The following ROBO2 variants were observed in gnomAD, a reference collection of about 807,000 sequenced individuals.
ROBO2 encodes the protein roundabout homolog 2.
A neutral mutation model predicts 160.8 loss-of-function variants in ROBO2; 53 were observed. That is an observed-to-expected ratio of 0.33 (90% CI 0.26 to 0.41). The LOEUF (loss-of-function observed/expected upper bound fraction) is 0.41. Ranked by LOEUF, ROBO2 falls within the 10% of genes least tolerant of loss-of-function variation. The probability of loss-of-function intolerance (pLI) is 1.00; values close to 1 mark genes in which losing one functional copy is unlikely to be tolerated. For synonymous variants in ROBO2, 664 were observed against 611.7 expected, an observed-to-expected ratio of 1.09 and a Z score of -1.26; for missense variants, 1,577 against 1,722.4, an observed-to-expected ratio of 0.92 and a Z score of 1.49.
intron 2 of ROBO2, among the ~76,000 whole-genome samples, chr3:76,282,739 G>C (rs1361649289): frequency 2.0e-5 from 3 of 151,840 alleles, no homozygotes; most frequent in African/African-American, 7.2e-5. Context: ...CAAATCCCAT[G>C]TTTAGTTTCC....
At chr3:76,307,956 G>A (rs1160129820) in intron 2 of ROBO2, among the ~76,000 whole-genome samples, 2 of 152,146 alleles carry the variant, frequency 1.3e-5, no homozygotes, top group Non-Finnish European at 2.9e-5. Flanking sequence ...GTTTCATGGA[G>A]GGCCTAGCAC....
At chr3:77,164,986 G>A (rs2078924672) in intron 2 of ROBO2, among the ~76,000 whole-genome samples, 1 of 148,736 alleles carries the variant, frequency 6.7e-6, no homozygotes, top group African/African-American at 2.5e-5. Flanking sequence ...GGGAGGTGAG[G>A]GGCGCCTCTG....
intron 2 of ROBO2, among the ~76,000 whole-genome samples, chr3:76,112,075 C>T (rs923540604): frequency 6.6e-6 from 1 of 152,166 alleles, no homozygotes; most frequent in Non-Finnish European, 1.5e-5. Context: ...GTGGCCTCCC[C>T]TTCTATCCAA....
chr3:76,938,971 C>CAAAAAAAAAAAAA lies in ROBO2; in HGVS notation c.110-159030_110-159018dup, dbSNP rs71629626. Among the ~76,000 whole-genome samples the CAAAAAAAAAAAAA allele has an allele frequency of 4.5e-4, 51 of 114,574 alleles. 2 individuals carry two copies. The highest frequency in any genetic ancestry group is 1.6e-3 in the African/African-American group (50 of 31,826). The allele number at this position is 114,574 out of a possible 152,430, so 75.2% of individuals were successfully genotyped here. ...GGGCGACAAGAGCAAAACTCAGTCT[C>CAAAAAAAAAAAAA]AAAAAAAAAAAAAAAAAAAAAAAAA... On this transcript the variant is annotated intron_variant, in intron 2 of 26. Transcript: ENST00000487694.
At chr3:76,930,682 G>T (rs1435848132) in intron 2 of ROBO2, among the ~76,000 whole-genome samples, 1 of 152,180 alleles carries the variant, frequency 6.6e-6, no homozygotes, top group Non-Finnish European at 1.5e-5. Context: ...TGGTAATACA[G>T]TTCTGGTCAA....
At chr3:76,364,963 C>A (rs1174586587) in intron 2 of ROBO2, among the ~76,000 whole-genome samples, 1 of 152,036 alleles carries the variant, frequency 6.6e-6, no homozygotes, top group Non-Finnish European at 1.5e-5. Flanking sequence ...TCTTTGCCCC[C>A]AACTTATCTG....
chr3:76,142,128 C>G (rs1398987964), intron 2 of ROBO2, among the ~76,000 whole-genome samples: 12 of 151,936 alleles, frequency 7.9e-5, no homozygotes, highest in Non-Finnish European at 5.9e-5. Flanking sequence ...AATGTCCAAT[C>G]CTATTGAATG....
intron 2 of ROBO2, among the ~76,000 whole-genome samples, chr3:77,152,009 T>G (rs533824149): frequency 2.2e-4 from 33 of 152,192 alleles, no homozygotes; most frequent in Non-Finnish European, 4.3e-4. Context: ...TTTACTACAT[T>G]ACTTGAAAAC....
intron 2 of ROBO2, among the ~76,000 whole-genome samples, chr3:76,261,853 C>T (rs1376211445): frequency 6.6e-6 from 1 of 151,908 alleles, no homozygotes; most frequent in Non-Finnish European, 1.5e-5. Context: ...TGAGAAAGAC[C>T]ATCATATAAT....
At chr3:76,702,553 G>GAGAC (rs386397102) in intron 2 of ROBO2, among the ~76,000 whole-genome samples, 1 of 151,406 alleles carries the variant, frequency 6.6e-6, no homozygotes, top group African/African-American at 2.4e-5. Context: ...GAAATAGACA[G>GAGAC]AGAAAGAGAG....
chr3:76,273,401 C>T (rs1707716230), intron 2 of ROBO2, among the ~76,000 whole-genome samples: 1 of 151,834 alleles, frequency 6.6e-6, no homozygotes, highest in Admixed American at 6.6e-5. Flanking sequence ...AACAGAATAA[C>T]ACGGAGTGGG....
At chr3:76,751,393 G>A (rs902548836) in intron 2 of ROBO2, among the ~76,000 whole-genome samples, 3 of 152,030 alleles carry the variant, frequency 2.0e-5, no homozygotes, top group Non-Finnish European at 4.4e-5. Context: ...ATAGGCATGG[G>A]CAAGGATTTC....
chr3:76,311,200 C>A (rs796936297), intron 2 of ROBO2: 1 of 152,176 alleles, frequency 6.6e-6, no homozygotes, highest in Non-Finnish European at 1.5e-5. Flanking sequence ...CAAAACAACA[C>A]CTACCTCAGG....
intron 6 of ROBO2, among the ~76,000 whole-genome samples, chr3:77,536,422 T>A (rs1289390439): frequency 6.6e-6 from 1 of 152,036 alleles, no homozygotes; most frequent in Non-Finnish European, 1.5e-5. Context: ...CCTTCTTTTC[T>A]TCTCCCTCTC....
intron 2 of ROBO2, among the ~76,000 whole-genome samples, chr3:76,564,039 C>T (rs888571274): frequency 2.0e-5 from 3 of 152,136 alleles, no homozygotes; most frequent in Non-Finnish European, 4.4e-5. Flanking sequence ...AACCCCATCT[C>T]TACTAAAAAT....
At chr3:77,246,000 C>T (rs2089676422) in intron 2 of ROBO2, among the ~76,000 whole-genome samples, 1 of 152,132 alleles carries the variant, frequency 6.6e-6, no homozygotes, top group South Asian at 2.1e-4. Flanking sequence ...AGAATTAAGT[C>T]CTGTGTTTTT....
At chr3:76,205,573 A>G (rs935805577) in intron 2 of ROBO2, among the ~76,000 whole-genome samples, 1 of 152,112 alleles carries the variant, frequency 6.6e-6, no homozygotes, top group African/African-American at 2.4e-5. Context: ...CTAAGAGTCC[A>G]TGTGTTTTAT....
intron 2 of ROBO2, among the ~76,000 whole-genome samples, chr3:76,552,850 T>C (rs2083495619): frequency 6.6e-6 from 1 of 152,176 alleles, no homozygotes; most frequent in Non-Finnish European, 1.5e-5. Context: ...AATGGGAGTG[T>C]GAGGGATTAG....
chr3:76,649,005 T>C (rs1353292372), intron 2 of ROBO2, among the ~76,000 whole-genome samples: 3 of 152,010 alleles, frequency 2.0e-5, no homozygotes, highest in Admixed American at 1.3e-4. Context: ...CATATGTGAG[T>C]TTAATGATGC....
Sources: allele counts gnomAD v4.1 joint callset (sites outside exome capture counted in the v4.1 genomes callset), GRCh38; gene constraint gnomAD v4.1.1; transcripts MANE v1.5; gene names NCBI Gene and HGNC (gene_info 2026-07-23, HGNC 2026-07-21).